The following ADAMTS5 variants were observed in gnomAD, a reference collection of about 807,000 sequenced individuals.
ADAMTS5 encodes the protein A disintegrin and metalloproteinase with thrombospondin motifs 5.
A neutral mutation model predicts 81.4 loss-of-function variants in ADAMTS5; 54 were observed. The observed-to-expected ratio is 0.66, with a 90% confidence interval of 0.53 to 0.83. The LOEUF (loss-of-function observed/expected upper bound fraction) is 0.83, where lower values mean the gene tolerates loss of function less well. Ranked by LOEUF, ADAMTS5 falls within the 40% of genes least tolerant of loss-of-function variation. ADAMTS5 has a pLI of 0.00. For missense variants in ADAMTS5, 1,194 were observed against 1,229.9 expected, an observed-to-expected ratio of 0.97 and a Z score of 0.44; for synonymous variants, 532 against 508.8, an observed-to-expected ratio of 1.05 and a Z score of -0.61.
Position 26,934,613 on chromosome 21 carries a change from A to T in ADAMTS5, c.1542T>A (p.Cys514Ter). 6.2e-7 allele frequency: 1 copy of T among 1,614,202 alleles called. No individual in the cohort carries two copies. The highest frequency in any genetic ancestry group is 8.5e-7 in the Non-Finnish European group (1 of 1,180,042). Reference protein sequence around the residue: ...EYSVCPGMDVCARLWCAVVRQ... With the variant: ...EYSVCPGMDV ...GTACCACAGCACACCACAGGCGAGC[A>T]CAGACATCCATGCCGGGACACACGG... The change falls in exon 4 of 8, where the codon TGT (cysteine) becomes TGA (stop). Residue 514 changes from cysteine to a stop codon, truncating the protein, a stop_gained. Coordinates refer to ENST00000284987, the MANE Select transcript of ADAMTS5 (RefSeq NM_007038.5). LOFTEE classifies it high-confidence loss of function.
intron 2 of ADAMTS5, among the ~76,000 whole-genome samples, chr21:26,944,599 T>C (rs1318781279): frequency 2.6e-5 from 4 of 152,176 alleles, no homozygotes; most frequent in African/African-American, 9.7e-5. Context: ...CAAATCATCC[T>C]AGTGGTGTTT....
Position 26,923,842 on chromosome 21 carries a change from A to G in ADAMTS5, c.*211T>C, listed in dbSNP as rs2123162263. 2.0e-6 allele frequency: 1 copy of G among 500,552 alleles called. No homozygotes were observed. The highest frequency in any genetic ancestry group is 3.5e-6 in the Non-Finnish European group (1 of 286,086). The allele number at this position is 500,552 out of a possible 1,614,324, so 31.0% of individuals were successfully genotyped here. ...CCCAGGGGATGTTCAATAACTCCCA[A>G]GTTTTTCTATATTGCAAGGTCACCA... is the stretch of plus-strand genomic sequence containing the variant. On this transcript the variant is annotated 3_prime_UTR_variant, in exon 8 of 8. Transcript: ENST00000284987.
Position 26,924,723 on chromosome 21 carries a change from TA to T in ADAMTS5, c.2226-104del, listed in dbSNP as rs1986776112. 3.1e-6 allele frequency: 3 copies of T among 979,020 alleles called. No individual in the cohort carries two copies. In the African/African-American group the frequency reaches 4.9e-5, roughly 16 times the overall value. 60.6% of individuals were successfully genotyped at this position (979,020 alleles called of 1,614,324 possible). On this transcript the variant is annotated intron_variant, in intron 7 of 7. Coordinates refer to ENST00000284987, the MANE Select transcript of ADAMTS5 (RefSeq NM_007038.5). ...AATAAATACACAAACAGAAGTTCTC[TA>T]AAAAGTCTTCTCTTAACACACAGTT...
intron 2 of ADAMTS5, among the ~76,000 whole-genome samples, chr21:26,948,581 C>T (rs893577985): frequency 6.6e-6 from 1 of 152,158 alleles, no homozygotes; most frequent in African/African-American, 2.4e-5. Context: ...GAACCATGAG[C>T]TCCAGTCATT....
chr21:26,965,256 C>A (rs760139653), intron 1 of ADAMTS5, 32 bp downstream of exon 1: 4 of 1,583,168 alleles, frequency 2.5e-6, no homozygotes. Context: ...CTGATATCAG[C>A]GCTGGGACCC....
intron 2 of ADAMTS5, among the ~76,000 whole-genome samples, chr21:26,944,826 C>T (rs1191117073): frequency 6.6e-6 from 1 of 152,118 alleles, no homozygotes; most frequent in African/African-American, 2.4e-5. Context: ...TGTTAAATCA[C>T]CAACACCTCA....
intron 3 of ADAMTS5, among the ~76,000 whole-genome samples, chr21:26,938,136 A>G (rs966303917): frequency 2.0e-5 from 3 of 151,644 alleles, no homozygotes; most frequent in Admixed American, 6.6e-5. Flanking sequence ...GCTACTCGGG[A>G]GGGAGGCTGA....
At position 26,965,758 on chromosome 21, in the gene ADAMTS5, G is replaced by A; in HGVS notation, c.634C>T (p.Pro212Ser). 6.3e-7 allele frequency: 1 copy of A among 1,599,806 alleles called. No homozygotes were observed. The highest frequency in any genetic ancestry group is 1.3e-5 in the African/African-American group (1 of 74,748). ...TCGTGGGCCTCCGGTGTGGACGCGG[G>A]GGTTTCGCAGCTGGCGCGCGGCGGC... ...ALPPRASCET[P>S]ASTPEAHEHA... Residue 212 changes from proline (P) to serine (S), a missense_variant, in exon 1 of 8, where the codon CCC becomes TCC. Physicochemically the swap from Pro to Ser is moderately conservative, Grantham distance 74. This residue lies in a region of ADAMTS5 where 498 missense variants were observed against 412.3 expected (regional missense o/e 1.21). Coordinates refer to ENST00000284987, the MANE Select transcript of ADAMTS5 (RefSeq NM_007038.5).
intron 7 of ADAMTS5, among the ~76,000 whole-genome samples, chr21:26,929,062 T>G (rs1047823205): frequency 2.0e-5 from 3 of 152,210 alleles, no homozygotes; most frequent in Non-Finnish European, 4.4e-5. Flanking sequence ...TATTTTCAAA[T>G]CACATCAGAG....
intron 4 of ADAMTS5, among the ~76,000 whole-genome samples, chr21:26,933,904 C>T (rs1986961628): frequency 6.6e-6 from 1 of 152,132 alleles, no homozygotes; most frequent in Non-Finnish European, 1.5e-5. Context: ...ACTTATTTTA[C>T]TTAGGCCTCG....
Position 26,965,986 on chromosome 21 carries a change from C to T in ADAMTS5, c.406G>A (p.Val136Met). ...GCCAGAGAGCGGGGACTACCGTCCA[C>T]TGTGCCCCGATAGAAGCAGTGGCTC... is the stretch of plus-strand genomic sequence containing the variant. ...HRSHCFYRGT[V>M]DGSPRSLAVF... is the part of the protein sequence containing the mutation. Residue 136 changes from valine (V) to methionine (M), a missense_variant, in exon 1 of 8, where the codon GTG becomes ATG. Coordinates refer to ENST00000284987, the MANE Select transcript of ADAMTS5 (RefSeq NM_007038.5). 1.2e-6 allele frequency: 2 copies of T among 1,613,200 alleles called. No individual in the cohort carries two copies. The highest frequency in any genetic ancestry group is 1.7e-6 in the Non-Finnish European group (2 of 1,179,812).
intron 1 of ADAMTS5, among the ~76,000 whole-genome samples, chr21:26,957,697 AG>A (rs1160564228): frequency 3.9e-5 from 6 of 152,192 alleles, no homozygotes; most frequent in Non-Finnish European, 8.8e-5. Context: ...TGGAAGATTT[AG>A]TAAAATATGA....
At chr21:26,934,790 G>A (rs757976296) in intron 3 of ADAMTS5, 41 bp from the exon 4 acceptor site, 2 of 1,598,758 alleles carry the variant, frequency 1.3e-6, no homozygotes, top group Non-Finnish European at 1.7e-6. Context: ...CTGTGTTTAG[G>A]TTTCAAACCG....
intron 4 of ADAMTS5, among the ~76,000 whole-genome samples, chr21:26,933,753 G>T (rs1403440847): frequency 6.6e-6 from 1 of 152,222 alleles, no homozygotes; most frequent in Non-Finnish European, 1.5e-5. Flanking sequence ...TTTGCTGAGG[G>T]AATCTGTGAA....
chr21:26,949,239 C>A (rs1324939379), intron 2 of ADAMTS5, among the ~76,000 whole-genome samples: 4 of 146,056 alleles, frequency 2.7e-5, no homozygotes, highest in African/African-American at 1.0e-4. Flanking sequence ...GCTGTATCAC[C>A]CAGGCTGGTG....
At chr21:26,939,663 A>T (rs1360888580) in intron 3 of ADAMTS5, 1 of 152,270 alleles carries the variant, frequency 6.6e-6, no homozygotes, top group African/African-American at 2.4e-5. Context: ...CTGTATCTAC[A>T]TAAGTCATGG....
chr21:26,965,302 G>A lies in ADAMTS5; in HGVS notation c.1090C>T (p.Leu364=), dbSNP rs1987616600. ...GCTGGACCTACCTCCCGAGTAAACA[G>A]GATAGCTGCATCGTAGTGCTCCTCA... is the stretch of plus-strand genomic sequence containing the variant. ...DHEEHYDAAI[L]FTREDLCGHH... The change falls in exon 1 of 8, where the codon CTG becomes TTG. Residue 364 remains leucine (L), a synonymous_variant. Transcript: ENST00000284987. The A allele has an allele frequency of 1.9e-6, 3 of 1,613,004 alleles. No homozygotes were observed. Among genetic ancestry groups the A allele is most frequent in the African/African-American group, 1.3e-5 (1 of 74,936 alleles).
At chr21:26,952,595 A>G (rs982450871) in intron 2 of ADAMTS5, among the ~76,000 whole-genome samples, 5 of 152,348 alleles carry the variant, frequency 3.3e-5, no homozygotes, top group Non-Finnish European at 7.3e-5. Flanking sequence ...GATGCAGTCA[A>G]TGTGTGAAAA....
rs1986731032 is a variant in ADAMTS5, at chr21:26,923,068, T to G, written c.*985A>C. 6.6e-6 allele frequency: 1 copy of G among 152,204 alleles called. No individual in the cohort carries two copies. The highest frequency in any genetic ancestry group is 1.5e-5 in the Non-Finnish European group (1 of 68,014). 9.4% of individuals were successfully genotyped at this position (152,204 alleles called of 1,614,324 possible). ...GGAGGTATACCAGTGTTGAATGTGTTGGACATGATAGAAAACTTGCTGTGT... is the reference window on the plus strand; with the variant it reads ...GGAGGTATACCAGTGTTGAATGTGTGGGACATGATAGAAAACTTGCTGTGT... On this transcript the variant is annotated 3_prime_UTR_variant, in exon 8 of 8. Transcript: ENST00000284987.
Sources: allele counts gnomAD v4.1 joint callset (sites outside exome capture counted in the v4.1 genomes callset), GRCh38; gene constraint gnomAD v4.1.1; regional missense constraint gnomAD v4.1.1; transcripts MANE v1.5; gene names NCBI Gene and HGNC (gene_info 2026-07-23, HGNC 2026-07-21).